Variants in XYLT1 observed in about 807,000 individuals in gnomAD.
XYLT1 encodes beta-D-xylosyltransferase 1.
A neutral mutation model predicts 91.3 loss-of-function variants in XYLT1; 36 were observed. The ratio of observed to expected loss-of-function variants is 0.39; its 90% confidence interval spans 0.30 to 0.52. XYLT1 has a LOEUF of 0.52. XYLT1 is among the 20% of genes least tolerant of loss of function. The pLI is 0.68. For synonymous variants in XYLT1, 588 were observed against 532.0 expected (o/e 1.11, Z -1.45); for missense variants, 1,242 against 1,284.5 (o/e 0.97, Z 0.51).
intron 1 of XYLT1, among the ~76,000 whole-genome samples, chr16:17,468,632 G>C (rs2036933201): frequency 6.6e-6 from 1 of 152,170 alleles, no homozygotes; most frequent in South Asian, 2.1e-4. Context: ...GAGAGGGGCT[G>C]GGGGTGGATG....
chr16:17,301,460 G>A (rs2034394096), intron 2 of XYLT1, among the ~76,000 whole-genome samples: 1 of 152,056 alleles, frequency 6.6e-6, no homozygotes, highest in South Asian at 2.1e-4. Context: ...GTCCCCCAAA[G>A]CTCAACCCTA....
At chr16:17,131,324 C>T (rs538606327) in intron 9 of XYLT1, among the ~76,000 whole-genome samples, 23 of 152,266 alleles carry the variant, frequency 1.5e-4, no homozygotes, top group African/African-American at 2.2e-4. Context: ...ATCAAGATGC[C>T]GCACAACCAA....
At chr16:17,190,096 T>C (rs1193487511) in intron 5 of XYLT1, among the ~76,000 whole-genome samples, 1 of 152,098 alleles carries the variant, frequency 6.6e-6, no homozygotes, top group Non-Finnish European at 1.5e-5. Flanking sequence ...AGTCCATAGA[T>C]ACAGAAAGGA....
chr16:17,336,818 G>C (rs1398120467), intron 2 of XYLT1, among the ~76,000 whole-genome samples: 1 of 152,276 alleles, frequency 6.6e-6, no homozygotes, highest in East Asian at 1.9e-4. Flanking sequence ...CCTCTTCAGG[G>C]GCCAGAAACC....
chr16:17,187,857 C>T (rs941023704), intron 5 of XYLT1, among the ~76,000 whole-genome samples: 4 of 152,118 alleles, frequency 2.6e-5, no homozygotes, highest in Non-Finnish European at 5.9e-5. Flanking sequence ...ACTCAACCCA[C>T]ATTCTTCCTC....
At chr16:17,230,824 G>T (rs1461826769) in intron 3 of XYLT1, among the ~76,000 whole-genome samples, 14 of 152,132 alleles carry the variant, frequency 9.2e-5, no homozygotes, top group Non-Finnish European at 1.9e-4. Context: ...AAGTGATATA[G>T]CCCCCTAGAT....
intron 2 of XYLT1, among the ~76,000 whole-genome samples, chr16:17,322,816 T>A (rs2034744561): frequency 6.6e-6 from 1 of 152,206 alleles, no homozygotes; most frequent in South Asian, 2.1e-4. Flanking sequence ...TTGGTGACCA[T>A]CAGTCTCCTC....
chr16:17,315,535 GGTT>G (rs1265668776), intron 2 of XYLT1, among the ~76,000 whole-genome samples: 3 of 75,010 alleles, frequency 4.0e-5, no homozygotes, highest in African/African-American at 1.3e-4. Flanking sequence ...CCTATGTGTT[GGTT>G]GTTGGTTTTG....
intron 5 of XYLT1, among the ~76,000 whole-genome samples, chr16:17,170,597 A>C (rs1194062618): frequency 6.6e-6 from 1 of 152,218 alleles, no homozygotes; most frequent in Non-Finnish European, 1.5e-5. Flanking sequence ...AGCTGGCTCA[A>C]TGTCAGTTCC....
intron 1 of XYLT1, among the ~76,000 whole-genome samples, chr16:17,379,942 G>GA (rs1372958560): frequency 6.6e-6 from 1 of 152,170 alleles, no homozygotes; most frequent in Non-Finnish European, 1.5e-5. Flanking sequence ...AGTTCTGGAA[G>GA]AAATATGCAC....
At chr16:17,287,939 CTTT>C (rs34525791) in intron 2 of XYLT1, among the ~76,000 whole-genome samples, 1 of 144,638 alleles carries the variant, frequency 6.9e-6, no homozygotes. Context: ...CATAATTTTT[CTTT>C]TTTTTTTTTT....
At chr16:17,409,393 T>C (rs1000603330) in intron 1 of XYLT1, among the ~76,000 whole-genome samples, 1 of 152,142 alleles carries the variant, frequency 6.6e-6, no homozygotes, top group Non-Finnish European at 1.5e-5. Context: ...TCAGCAATGA[T>C]GTGCATATTT....
At position 17,141,309 on chromosome 16, in the gene XYLT1, G is replaced by T; in HGVS notation, c.1431C>A (p.Arg477=). 1 of 1,614,154 alleles carries T rather than the reference G, an allele frequency of 6.2e-7. No homozygotes were observed. The highest frequency in any genetic ancestry group is 1.7e-5 in the Admixed American group (1 of 60,022). Residue 477 remains arginine, a synonymous_variant, in exon 7 of 12, where the codon CGC becomes CGA. Coordinates refer to ENST00000261381, the MANE Select transcript of XYLT1 (RefSeq NM_022166.4). ...LFLECDAHMW[R]LGDRRIPEGI... The stretch of plus-strand genomic sequence containing the variant: ...CCTCTGGGATCCGCCGATCTCCCAG[G>T]CGCCACATGTGAGCGTCGCACTCCA...
At chr16:17,158,943 G>A in intron 5 of XYLT1, 34 bp from the exon 6 acceptor site, 1 of 1,582,712 alleles carries the variant, frequency 6.3e-7, no homozygotes, top group Non-Finnish European at 8.7e-7. Flanking sequence ...AGTCAGGCCA[G>A]ACACCGTGGG....
rs377346239 is a variant in XYLT1 at position 17,275,606 on chromosome 16, G to A, written c.403-16108C>T. On this transcript the variant is annotated intron_variant, in intron 2 of 11. Transcript: ENST00000261381. ...AGATTCATTTCTAGGTTGGTGCCAC[G>A]CCCCTGACTCCTGAAAGCCACAAAC... 7.2e-5 allele frequency among the ~76,000 whole-genome samples: 11 copies of A among 152,176 alleles called. No homozygotes were observed. The East Asian group carries it at 1.5e-3, about 21-fold the overall frequency.
At chr16:17,257,632 G>A (rs1394774905) in intron 3 of XYLT1, among the ~76,000 whole-genome samples, 1 of 152,172 alleles carries the variant, frequency 6.6e-6, no homozygotes, top group African/African-American at 2.4e-5. Context: ...CAGCGACCAC[G>A]TGGCTGGGTG....
At position 17,103,565 on chromosome 16, in the gene XYLT1, T is replaced by TTTTTATTA. The variant is rs1295900557; in HGVS notation, c.*5129_*5130insTAATAAAA. On this transcript the variant is annotated 3_prime_UTR_variant, in exon 12 of 12. Transcript: ENST00000261381. The stretch of plus-strand genomic sequence containing the variant: ...ATGGTCAGCTTCCCAAAAATAATGT[T>TTTTTATTA]AAGGCCACATTTCAAAAAGGAGAAA... 5.3e-5 allele frequency: 8 copies of TTTTTATTA among 152,178 alleles called. No homozygotes were observed. The highest frequency in any genetic ancestry group is 2.6e-4 in the Admixed American group (4 of 15,272). The allele number at this position is 152,178 out of a possible 1,614,324, so 9.4% of individuals were successfully genotyped here.
chr16:17,145,581 A>G (rs910572390), intron 6 of XYLT1, among the ~76,000 whole-genome samples: 1 of 152,242 alleles, frequency 6.6e-6, no homozygotes, highest in African/African-American at 2.4e-5. Context: ...GGAGACAGAA[A>G]GACACAGTGC....
chr16:17,305,312 T>C (rs2034454172), intron 2 of XYLT1, among the ~76,000 whole-genome samples: 1 of 152,182 alleles, frequency 6.6e-6, no homozygotes, highest in African/African-American at 2.4e-5. Flanking sequence ...CAAAACAAAA[T>C]GTCCTCTGGA....
Sources: allele counts gnomAD v4.1 joint callset (sites outside exome capture counted in the v4.1 genomes callset), GRCh38; gene constraint gnomAD v4.1.1; transcripts MANE v1.5; gene names NCBI Gene and HGNC (gene_info 2026-07-23, HGNC 2026-07-21).